Variants in CCSER1 observed in about 807,000 individuals in gnomAD.
The protein encoded by CCSER1 is coiled-coil serine rich protein 1, also known as serine-rich coiled-coil domain-containing protein 1.
CCSER1 carries 41 observed loss-of-function variants against 82.0 expected under a neutral mutation model. That is an observed-to-expected ratio of 0.50 (90% CI 0.39 to 0.65). The LOEUF (loss-of-function observed/expected upper bound fraction) is 0.65, where lower values mean the gene tolerates loss of function less well. Among genes scored for constraint, CCSER1 ranks in the 30% least tolerant of loss-of-function variants. The pLI, the probability that CCSER1 is intolerant of heterozygous loss-of-function variation, is 0.00. For synonymous variants in CCSER1, 414 were observed against 383.9 expected (o/e 1.08, Z -0.92); for missense variants, 1,119 against 1,064.2 (o/e 1.05, Z -0.72).
intron 8 of CCSER1, among the ~76,000 whole-genome samples, chr4:90,913,069 A>C (rs1455444970): frequency 2.0e-5 from 3 of 152,214 alleles, no homozygotes; most frequent in Non-Finnish European, 4.4e-5. Context: ...ACTCTGCAGG[A>C]TATTATCCAG....
Position 91,360,377 on chromosome 4 carries a change from A to G in CCSER1, c.2218-238195A>G, listed in dbSNP as rs139680733. ...CTTATAAAATGCTATTCACTACATT[A>G]TGAACTGGGAATAAAACTAATAGTT... On this transcript the variant is annotated intron_variant, in intron 10 of 10. Coordinates refer to ENST00000509176, the MANE Select transcript of CCSER1 (RefSeq NM_001145065.2). Among the ~76,000 whole-genome samples, 51 of 151,996 alleles carry G rather than the reference A, an allele frequency of 3.4e-4. 1 individual carries two copies. The South Asian group carries it at 9.3e-3, about 28-fold the overall frequency.
intron 10 of CCSER1, among the ~76,000 whole-genome samples, chr4:91,312,249 A>G (rs916510560): frequency 3.3e-5 from 5 of 151,798 alleles, no homozygotes; most frequent in African/African-American, 1.2e-4. Context: ...ATATAAGATA[A>G]TATGAATTTC....
At chr4:90,580,726 A>G (rs1490614914) in intron 5 of CCSER1, among the ~76,000 whole-genome samples, 1 of 152,186 alleles carries the variant, frequency 6.6e-6, no homozygotes, top group African/African-American at 2.4e-5. Flanking sequence ...TTATATCTCA[A>G]AATAGTCAAG....
At chr4:91,377,600 G>T (rs1750528868) in intron 10 of CCSER1, among the ~76,000 whole-genome samples, 1 of 152,018 alleles carries the variant, frequency 6.6e-6, no homozygotes. Flanking sequence ...GGGGTTGTTT[G>T]TTTTTTTCTT....
intron 9 of CCSER1, among the ~76,000 whole-genome samples, chr4:91,050,977 T>C (rs1742960015): frequency 6.6e-6 from 1 of 152,206 alleles, no homozygotes; most frequent in Non-Finnish European, 1.5e-5. Context: ...GGGATTTTCC[T>C]TGACTGTTGA....
intron 1 of CCSER1, among the ~76,000 whole-genome samples, chr4:90,233,463 G>A (rs568621356): frequency 6.6e-6 from 1 of 152,040 alleles, no homozygotes; most frequent in Non-Finnish European, 1.5e-5. Context: ...TCACACTCTG[G>A]GGACTGTTGT....
chr4:90,933,272 C>T (rs933244014), intron 9 of CCSER1, among the ~76,000 whole-genome samples: 2 of 151,104 alleles, frequency 1.3e-5, no homozygotes, highest in East Asian at 3.9e-4. Flanking sequence ...ACTGCAATCT[C>T]CACCTCCCGG....
intron 10 of CCSER1, among the ~76,000 whole-genome samples, chr4:91,544,955 T>C (rs1761808830): frequency 6.6e-6 from 1 of 152,096 alleles, no homozygotes. Flanking sequence ...GTGGGCTCCA[T>C]CCAGTTCGAG....
intron 1 of CCSER1, among the ~76,000 whole-genome samples, chr4:90,284,499 T>A (rs963874717): frequency 0.014 from 2,091 of 151,700 alleles, 33 homozygotes; most frequent in African/African-American, 0.046. Context: ...AATTGATTTT[T>A]TTTTTTTTTT....
At chr4:91,158,866 G>C (rs1731091645) in intron 10 of CCSER1, among the ~76,000 whole-genome samples, 1 of 151,862 alleles carries the variant, frequency 6.6e-6, no homozygotes, top group Non-Finnish European at 1.5e-5. Flanking sequence ...AGATAATTAG[G>C]ACATAGGCAT....
intron 10 of CCSER1, among the ~76,000 whole-genome samples, chr4:91,170,434 T>G (rs1413623136): frequency 6.6e-6 from 1 of 152,108 alleles, no homozygotes; most frequent in Non-Finnish European, 1.5e-5. Flanking sequence ...GTACTTCTTC[T>G]GAAAACACGT....
intron 10 of CCSER1, among the ~76,000 whole-genome samples, chr4:91,491,582 T>C (rs1758544592): frequency 6.6e-6 from 1 of 152,112 alleles, no homozygotes; most frequent in Admixed American, 6.6e-5. Flanking sequence ...TATACCATAT[T>C]ATCAATATAC....
intron 10 of CCSER1, among the ~76,000 whole-genome samples, chr4:91,261,200 GAGCC>G (rs957737677): frequency 3.9e-5 from 6 of 152,276 alleles, no homozygotes; most frequent in Admixed American, 3.9e-4. Flanking sequence ...CCATGGTTGA[GAGCC>G]AGTGTTCTAA....
At chr4:90,538,657 A>G (rs1775726445) in intron 5 of CCSER1, among the ~76,000 whole-genome samples, 1 of 152,094 alleles carries the variant, frequency 6.6e-6, no homozygotes, top group East Asian at 1.9e-4. Context: ...CTCATTTAAG[A>G]TAATATTCTA....
At chr4:90,651,901 T>C (rs796413664) in intron 6 of CCSER1, among the ~76,000 whole-genome samples, 8 of 152,292 alleles carry the variant, frequency 5.3e-5, no homozygotes, top group African/African-American at 1.9e-4. Context: ...CCTGGATTGC[T>C]TCATATAGTG....
chr4:90,220,949 G>A (rs1488635344), intron 1 of CCSER1, among the ~76,000 whole-genome samples: 1 of 152,094 alleles, frequency 6.6e-6, no homozygotes, highest in East Asian at 1.9e-4. Context: ...ATTTAGTTAT[G>A]TGGTAAAATT....
intron 8 of CCSER1, among the ~76,000 whole-genome samples, chr4:90,825,447 A>T (rs1158919213): frequency 1.3e-5 from 2 of 152,244 alleles, no homozygotes; most frequent in African/African-American, 4.8e-5. Context: ...CAATTTAAGT[A>T]GTCAGTGGGA....
chr4:90,987,767 T>G (rs1736691561), intron 9 of CCSER1, among the ~76,000 whole-genome samples: 1 of 151,746 alleles, frequency 6.6e-6, no homozygotes, highest in Non-Finnish European at 1.5e-5. Flanking sequence ...TCTCTGAGGA[T>G]GCAAACTCAT....
chr4:91,212,666 A>G (rs1269472755), intron 10 of CCSER1, among the ~76,000 whole-genome samples: 3 of 152,142 alleles, frequency 2.0e-5, no homozygotes, highest in Non-Finnish European at 4.4e-5. Context: ...TGAATGTTAC[A>G]TGAGCTTTTA....
Sources: allele counts gnomAD v4.1 joint callset (sites outside exome capture counted in the v4.1 genomes callset), GRCh38; gene constraint gnomAD v4.1.1; transcripts MANE v1.5; gene names NCBI Gene and HGNC (gene_info 2026-07-23, HGNC 2026-07-21).